Variants in INO80 observed in about 807,000 individuals in gnomAD.
INO80 encodes the protein INO80 complex ATPase subunit, also known as chromatin-remodeling ATPase INO80.
INO80 carries 20 observed loss-of-function variants against 203.4 expected under a neutral mutation model. The observed-to-expected ratio is 0.10, with a 90% confidence interval of 0.07 to 0.14. The LOEUF (loss-of-function observed/expected upper bound fraction) is 0.14. Ranked by LOEUF, INO80 falls within the 10% of genes least tolerant of loss-of-function variation. The pLI, the probability that INO80 is intolerant of heterozygous loss-of-function variation, is 1.00. For missense variants in INO80, 1,419 were observed against 1,914.4 expected (o/e 0.74, Z 4.83); for synonymous variants, 726 against 685.2 (o/e 1.06, Z -0.93).
intron 24 of INO80, among the ~76,000 whole-genome samples, chr15:41,036,156 G>GAAAAAA (rs369185302): frequency 2.5e-4 from 8 of 32,138 alleles, no homozygotes; most frequent in African/African-American, 5.7e-4. Flanking sequence ...ACTCTCTCTC[G>GAAAAAA]AAAAAAAAAA....
intron 29 of INO80, among the ~76,000 whole-genome samples, chr15:40,996,615 C>T (rs1463481359): frequency 6.6e-6 from 1 of 152,174 alleles, no homozygotes; most frequent in African/African-American, 2.4e-5. Context: ...TGAGCCACCA[C>T]GCCCAGCCAG....
At chr15:40,991,672 G>C (rs1392893006) in intron 29 of INO80, among the ~76,000 whole-genome samples, 1 of 152,090 alleles carries the variant, frequency 6.6e-6, no homozygotes, top group Non-Finnish European at 1.5e-5. Flanking sequence ...CAGGCACAAG[G>C]GAAGAGAGGT....
Position 40,984,315 on chromosome 15 carries a change from T to C in INO80, c.3959A>G (p.Lys1320Arg), listed in dbSNP as rs1893942016. The C allele has an allele frequency of 6.2e-7, 1 of 1,614,068 alleles. No individual in the cohort carries two copies. Among genetic ancestry groups the C allele is most frequent in the Non-Finnish European group, 8.5e-7 (1 of 1,180,032 alleles). The change falls in exon 33 of 36, where the codon AAA becomes AGA. Residue 1320 changes from lysine to arginine, a missense_variant. Coordinates refer to ENST00000648947, the MANE Select transcript of INO80 (RefSeq NM_017553.3). The part of the protein sequence containing the change: ...KEDELDGKRR[K>R]EGVNLVIPFV... Reference sequence around the variant, plus strand: ...TGGGATCACCAGGTTCACACCCTCTTTTCTCCTTTTCCCATCCAATTCATC... The same window carrying C: ...TGGGATCACCAGGTTCACACCCTCTCTTCTCCTTTTCCCATCCAATTCATC...
intron 35 of INO80, among the ~76,000 whole-genome samples, chr15:40,982,460 C>A (rs1173925291): frequency 6.6e-6 from 1 of 152,118 alleles, no homozygotes. Context: ...ATGTGGTATA[C>A]GCCTATGCAT....
intron 31 of INO80, 30 bp downstream of exon 31, chr15:40,987,061 G>A: frequency 8.0e-7 from 1 of 1,251,654 alleles, no homozygotes; most frequent in Non-Finnish European, 1.2e-6. Flanking sequence ...AGATACGTGA[G>A]GGGAGTGTAT....
intron 24 of INO80, among the ~76,000 whole-genome samples, chr15:41,036,172 A>AAAAG (rs1566921799): frequency 6.7e-6 from 1 of 149,914 alleles, no homozygotes; most frequent in African/African-American, 2.4e-5. Flanking sequence ...AAAAAAAAAA[A>AAAAG]AAAAAAAAAA....
intron 9 of INO80, among the ~76,000 whole-genome samples, chr15:41,079,333 C>T (rs1400343085): frequency 6.6e-6 from 1 of 152,028 alleles, no homozygotes; most frequent in Non-Finnish European, 1.5e-5. Flanking sequence ...TTGCTCATTC[C>T]TTTTTCTTGA....
chr15:41,109,700 G>T (rs2045932106), intron 1 of INO80, among the ~76,000 whole-genome samples: 1 of 151,850 alleles, frequency 6.6e-6, no homozygotes, highest in South Asian at 2.1e-4. Flanking sequence ...GGGAGGCCGA[G>T]GCAGATGGAT....
chr15:41,108,315 C>T (rs916882528), intron 1 of INO80, among the ~76,000 whole-genome samples: 47 of 151,990 alleles, frequency 3.1e-4, no homozygotes, highest in Non-Finnish European at 6.2e-4. Flanking sequence ...ATAGGCCGGG[C>T]GTGGTGGCTC....
Position 40,991,101 on chromosome 15 carries a change from C to T in INO80, c.3571-3127G>A, listed in dbSNP as rs1467740296. The stretch of plus-strand genomic sequence containing the variant: ...CATTTACATTTTTTCCTAGAAGACC[C>T]AGTGGCAACCAAACCTGATTCAACT... On this transcript the variant is annotated intron_variant, in intron 29 of 35. Transcript: ENST00000648947. Among the ~76,000 whole-genome samples, 3 of 152,136 alleles carry T rather than the reference C, an allele frequency of 2.0e-5. No homozygotes were observed. In the South Asian group the frequency reaches 6.2e-4, roughly 32 times the overall value.
chr15:41,029,434 T>TG (rs2044426552), intron 24 of INO80, among the ~76,000 whole-genome samples: 1 of 152,250 alleles, frequency 6.6e-6, no homozygotes, highest in African/African-American at 2.4e-5. Context: ...TCATCAACAA[T>TG]TTGAAGACTA....
chr15:40,983,055 T>C lies in INO80; in HGVS notation c.4260A>G (p.Pro1420=), dbSNP rs760444630. 10 of 1,613,192 alleles carry C rather than the reference T, an allele frequency of 6.2e-6. No individual in the cohort carries two copies. The highest frequency in any genetic ancestry group is 8.5e-6 in the Non-Finnish European group (10 of 1,179,838). The change falls in exon 35 of 36, where the codon CCA becomes CCG. Residue 1420 remains proline, a synonymous_variant. Transcript: ENST00000648947. The stretch of plus-strand genomic sequence containing the variant: ...GGGCTGAGTGACCACGTCCTGCAGC[T>C]GGCATTTCCTGAATGGAAATTCCTG... ...TVNGISIQEM[P]AAGRGHSARS...
rs547905151 is a variant in INO80, at chr15:40,981,954, C to A, written c.4453+908G>T. ...CAAATCCTTCCTCATTCTTCTCCTC[C>A]CTTTTGAATACAGACAGGCAACTTA... On this transcript the variant is annotated intron_variant, in intron 35 of 35. Coordinates refer to ENST00000648947, the MANE Select transcript of INO80 (RefSeq NM_017553.3). 3.3e-5 allele frequency among the ~76,000 whole-genome samples: 5 copies of A among 152,258 alleles called. No homozygotes were observed. The East Asian group carries it at 9.6e-4, about 29-fold the overall frequency.
At chr15:41,104,539 T>C (rs1342142468) in intron 1 of INO80, among the ~76,000 whole-genome samples, 1 of 151,968 alleles carries the variant, frequency 6.6e-6, no homozygotes, top group Non-Finnish European at 1.5e-5. Context: ...CCTTATTTCT[T>C]TTCTTTTCTT....
At chr15:41,074,162 AACC>A (rs2045365993) in intron 10 of INO80, among the ~76,000 whole-genome samples, 1 of 152,160 alleles carries the variant, frequency 6.6e-6, no homozygotes, top group East Asian at 1.9e-4. Context: ...AAGATCATAT[AACC>A]ACAACGCTTC....
intron 27 of INO80, among the ~76,000 whole-genome samples, chr15:41,007,394 G>C (rs1185569125): frequency 6.6e-6 from 1 of 151,768 alleles, no homozygotes; most frequent in Non-Finnish European, 1.5e-5. Flanking sequence ...TGTTGGCCAG[G>C]CTGGTCTTGA....
intron 35 of INO80, 71 bp from the exon 36 acceptor site, chr15:40,980,511 G>A: frequency 2.6e-6 from 3 of 1,163,594 alleles, no homozygotes; most frequent in Non-Finnish European, 3.8e-6. Context: ...CTGTGGCCTT[G>A]GTTACCAGAG....
chr15:41,110,039 G>T (rs1417957422), intron 1 of INO80, among the ~76,000 whole-genome samples: 1 of 151,014 alleles, frequency 6.6e-6, no homozygotes, highest in African/African-American at 2.4e-5. Context: ...AGGTTGCAGT[G>T]AGCTGAGATC....
At chr15:41,063,236 T>C (rs561977635) in intron 14 of INO80, among the ~76,000 whole-genome samples, 53 of 151,958 alleles carry the variant, frequency 3.5e-4, no homozygotes, top group African/African-American at 1.2e-3. Context: ...ACTCAGGATG[T>C]TGAGGCAGGA....
Sources: allele counts gnomAD v4.1 joint callset (sites outside exome capture counted in the v4.1 genomes callset), GRCh38; gene constraint gnomAD v4.1.1; transcripts MANE v1.5; gene names NCBI Gene and HGNC (gene_info 2026-07-23, HGNC 2026-07-21).